CHD6: variants seen among roughly 807,000 people sequenced by gnomAD.
CHD6 encodes the protein chromodomain helicase DNA binding protein 6, also known as ATP-dependent chromatin remodeler CHD6.
Under a neutral mutation model 276.9 loss-of-function variants are expected in CHD6, and 50 were observed. That is an observed-to-expected ratio of 0.18 (90% CI 0.14 to 0.23). The LOEUF is 0.23. CHD6 is among the 10% of genes least tolerant of loss of function. The pLI, the probability that CHD6 is intolerant of heterozygous loss-of-function variation, is 1.00. For synonymous variants in CHD6, 1,173 were observed against 1,229.3 expected, an observed-to-expected ratio of 0.95 and a Z score of 0.96; for missense variants, 2,564 against 3,365.8, an observed-to-expected ratio of 0.76 and a Z score of 5.89.
chr20:41,505,242 A>AT (rs1299438986), intron 5 of CHD6, among the ~76,000 whole-genome samples: 8 of 152,064 alleles, frequency 5.3e-5, no homozygotes, highest in African/African-American at 1.2e-4. Flanking sequence ...TCCTTTAGTG[A>AT]TTTTTTTGTC....
At chr20:41,500,663 G>A (rs750560236) in intron 5 of CHD6, among the ~76,000 whole-genome samples, 2 of 152,072 alleles carry the variant, frequency 1.3e-5, no homozygotes, top group African/African-American at 2.4e-5. Flanking sequence ...AATATAGATA[G>A]GTGGCAGGGA....
At chr20:41,445,941 G>A (rs192754491) in intron 24 of CHD6, among the ~76,000 whole-genome samples, 173 bp from the exon 25 acceptor site, 83 of 152,348 alleles carry the variant, frequency 5.4e-4, no homozygotes, top group Middle Eastern at 3.4e-3. Context: ...AATCACTTAG[G>A]CAGTGATTTA....
In CHD6 at chr20:41,497,789, A is replaced by G. The variant is rs530494894; in HGVS notation, c.975-288T>C. ...GGTTATCATTAACACACATTAGTGA[A>G]AGTGGGTCTGTAGCAGAAAGGAAAA... On this transcript the variant is annotated intron_variant, in intron 7 of 36. Transcript: ENST00000373233. The G allele has an allele frequency of 6.4e-6, 3 of 469,246 alleles. No homozygotes were observed. In the South Asian group the frequency reaches 7.5e-5, roughly 12 times the overall value. The allele number at this position is 469,246 out of a possible 1,614,324, so 29.1% of individuals were successfully genotyped here.
At chr20:41,567,053 G>A (rs1310379909) in intron 1 of CHD6, among the ~76,000 whole-genome samples, 1 of 152,140 alleles carries the variant, frequency 6.6e-6, no homozygotes, top group Non-Finnish European at 1.5e-5. Context: ...TTGCTGCTGG[G>A]CTTGCACTAT....
intron 1 of CHD6, among the ~76,000 whole-genome samples, chr20:41,605,017 A>C (rs1218329686): frequency 6.6e-6 from 1 of 152,190 alleles, no homozygotes; most frequent in Admixed American, 6.5e-5. Context: ...TTCCTGAGTG[A>C]TATAATTACA....
intron 5 of CHD6, among the ~76,000 whole-genome samples, chr20:41,503,019 A>ACAAAG (rs1194548287): frequency 2.0e-5 from 3 of 152,164 alleles, no homozygotes; most frequent in African/African-American, 4.8e-5. Context: ...ACAAAACAAA[A>ACAAAG]CAAAGCAAAG....
chr20:41,585,221 T>G (rs1230233651), intron 1 of CHD6, among the ~76,000 whole-genome samples: 1 of 151,770 alleles, frequency 6.6e-6, no homozygotes, highest in Non-Finnish European at 1.5e-5. Context: ...AGATATAGAG[T>G]AGCCAGGTGT....
intron 1 of CHD6, among the ~76,000 whole-genome samples, chr20:41,592,279 T>G (rs1413109070): frequency 1.3e-5 from 2 of 151,988 alleles, no homozygotes; most frequent in Non-Finnish European, 2.9e-5. Context: ...AAAAAGGACA[T>G]GAACCACACA....
Position 41,473,836 on chromosome 20 carries a change from A to C in CHD6, c.2469-319T>G, listed in dbSNP as rs1471921047. ...CCGATCCCCATAGCCCAAGCAACTT[A>C]TTCTCTCAAGTATTCCCAGTTTATA... On this transcript the variant is annotated intron_variant, in intron 16 of 36. Coordinates refer to ENST00000373233, the MANE Select transcript of CHD6 (RefSeq NM_032221.5). This position sits in a 1 kb window ranked among gnomAD's most constrained non-coding sequence, Gnocchi z 4.1. Among the ~76,000 whole-genome samples, 2 of 152,222 alleles carry C rather than the reference A, an allele frequency of 1.3e-5. No homozygotes were observed. The highest frequency in any genetic ancestry group is 4.8e-5 in the African/African-American group (2 of 41,460).
chr20:41,421,928 G>A lies in CHD6; in HGVS notation c.4707C>T (p.Leu1569=). The change falls in exon 31 of 37, where the codon CTC becomes CTT. Residue 1569 remains leucine (L), a synonymous_variant. Transcript: ENST00000373233. ...HERLQLCRPS[L]YLPVWWECGK... is the part of the protein sequence containing the mutation. ...CACACTCCCACCAGACTGGGAGGTA[G>A]AGGCTGGGCCTGCACAGCTGGAGGC... 6.2e-7 allele frequency: 1 copy of A among 1,614,242 alleles called. No individual in the cohort carries two copies. The highest frequency in any genetic ancestry group is 8.5e-7 in the Non-Finnish European group (1 of 1,180,038).
chr20:41,493,238 T>A (rs1272831987), intron 10 of CHD6, among the ~76,000 whole-genome samples: 1 of 151,908 alleles, frequency 6.6e-6, no homozygotes, highest in East Asian at 1.9e-4. Context: ...ACACCAGCCA[T>A]TACTTACAAA....
At chr20:41,444,885 G>A (rs1659097752) in intron 25 of CHD6, among the ~76,000 whole-genome samples, 1 of 152,184 alleles carries the variant, frequency 6.6e-6, no homozygotes, top group African/African-American at 2.4e-5. Context: ...AAGTAGTGGA[G>A]TTGATAGCTA....
chr20:41,529,610 T>C (rs2044631128), intron 3 of CHD6, among the ~76,000 whole-genome samples: 1 of 152,136 alleles, frequency 6.6e-6, no homozygotes, highest in Non-Finnish European at 1.5e-5. Context: ...GGACTTGGGA[T>C]ACTGAGAGAA....
At chr20:41,448,479 G>A (rs571768775) in intron 23 of CHD6, among the ~76,000 whole-genome samples, 1 of 152,328 alleles carries the variant, frequency 6.6e-6, no homozygotes, top group Admixed American at 6.5e-5. Context: ...CAGGCTCCAA[G>A]GGAATGCATC....
At chr20:41,510,459 C>A (rs1365224012) in intron 5 of CHD6, among the ~76,000 whole-genome samples, 1 of 152,204 alleles carries the variant, frequency 6.6e-6, no homozygotes, top group Non-Finnish European at 1.5e-5. Flanking sequence ...GAGGCCAGCC[C>A]CACATGGTCG....
At chr20:41,462,163 C>T (rs1028311534) in intron 17 of CHD6, among the ~76,000 whole-genome samples, 1 of 152,118 alleles carries the variant, frequency 6.6e-6, no homozygotes, top group African/African-American at 2.4e-5. Flanking sequence ...ATATATAAGA[C>T]AAAATACATC....
intron 33 of CHD6, among the ~76,000 whole-genome samples, chr20:41,416,292 C>T (rs1410443578): frequency 4.6e-5 from 7 of 152,214 alleles, no homozygotes; most frequent in East Asian, 1.9e-4. Context: ...CTGAAACAAC[C>T]GGGGTCTAGA....
intron 1 of CHD6, among the ~76,000 whole-genome samples, chr20:41,595,483 G>T (rs1263327239): frequency 6.6e-6 from 1 of 152,140 alleles, no homozygotes; most frequent in Non-Finnish European, 1.5e-5. Context: ...GAAGGCAAAG[G>T]AGTGCAAGAA....
chr20:41,605,248 T>G (rs1469094368), intron 1 of CHD6, among the ~76,000 whole-genome samples: 1 of 152,194 alleles, frequency 6.6e-6, no homozygotes, highest in Non-Finnish European at 1.5e-5. Flanking sequence ...ATTGTTCTCA[T>G]ACCTGTCTGT....
Sources: allele counts gnomAD v4.1 joint callset (sites outside exome capture counted in the v4.1 genomes callset), GRCh38; gene constraint gnomAD v4.1.1; non-coding constraint Gnocchi (gnomAD v3.1); transcripts MANE v1.5; gene names NCBI Gene and HGNC (gene_info 2026-07-23, HGNC 2026-07-21).